DYNC2H1: variants seen among roughly 807,000 people sequenced by gnomAD.
The protein encoded by DYNC2H1 is dynein cytoplasmic 2 heavy chain 1.
A neutral mutation model predicts 570.0 loss-of-function variants in DYNC2H1; 410 were observed. The observed-to-expected ratio is 0.72, with a 90% CI of 0.66 to 0.78. The LOEUF is 0.78. DYNC2H1 is among the 30% of genes least tolerant of loss of function. DYNC2H1 has a pLI of 0.00. For missense variants in DYNC2H1, 4,865 were observed against 5,046.4 expected (o/e 0.96, Z 1.09); for synonymous variants, 1,688 against 1,677.6 (o/e 1.01, Z -0.15).
At chr11:103,285,415 T>C (rs1234348326) in intron 73 of DYNC2H1, among the ~76,000 whole-genome samples, 1 of 52,066 alleles carries the variant, frequency 1.9e-5, no homozygotes, top group Non-Finnish European at 3.9e-5. Flanking sequence ...ATTTTTCTTT[T>C]TTTCTTTTCT....
intron 82 of DYNC2H1, among the ~76,000 whole-genome samples, chr11:103,339,853 T>A (rs1290619253): frequency 6.6e-6 from 1 of 152,222 alleles, no homozygotes; most frequent in Non-Finnish European, 1.5e-5. Flanking sequence ...TGGCGATGGA[T>A]GCTTTCCCTC....
intron 81 of DYNC2H1, among the ~76,000 whole-genome samples, chr11:103,322,169 T>C (rs997600785): frequency 2.0e-5 from 3 of 152,166 alleles, no homozygotes; most frequent in Non-Finnish European, 2.9e-5. Context: ...AGTGCTGTTC[T>C]AGGTATTGTG....
intron 12 of DYNC2H1, among the ~76,000 whole-genome samples, chr11:103,126,688 G>A (rs1859020316): frequency 6.7e-6 from 1 of 148,222 alleles, no homozygotes; most frequent in Non-Finnish European, 1.5e-5. Flanking sequence ...CCAGGCTGGA[G>A]TGCAGTGGTG....
intron 83 of DYNC2H1, among the ~76,000 whole-genome samples, chr11:103,389,652 C>G (rs577765210): frequency 1.0e-3 from 159 of 151,902 alleles, no homozygotes; most frequent in Admixed American, 1.8e-3. Context: ...AAATTTCCCT[C>G]TACACACTGC....
chr11:103,138,462 TGAGATA>T (rs1164929813), intron 17 of DYNC2H1, among the ~76,000 whole-genome samples: 1 of 152,232 alleles, frequency 6.6e-6, no homozygotes, highest in African/African-American at 2.4e-5. Flanking sequence ...CTGTATCTAT[TGAGATA>T]ATCATGTGGT....
chr11:103,288,892 AAAAAG>A (rs1565466380), intron 75 of DYNC2H1, among the ~76,000 whole-genome samples: 1 of 150,284 alleles, frequency 6.7e-6, no homozygotes, highest in African/African-American at 2.4e-5. Flanking sequence ...AAAAAAAAAA[AAAAAG>A]AAAGAAAATT....
rs1176429178 is a variant in DYNC2H1, at chr11:103,468,657, TCC to T, written c.12719_12720del (p.Pro4240GlnfsTer25). On this transcript the variant is annotated frameshift_variant, in exon 88 of 89. Transcript: ENST00000375735. LOFTEE classifies it high-confidence loss of function. ...AACTTTCTGAAAATCAGCTTGATTC[TCC>T]CAGCGTGTCATCAGTGCTCCCTTGT... is the stretch of plus-strand genomic sequence containing the variant. ...NQLSENQLDS[P>X]SVSSVLPCFM... 1 of 1,613,674 alleles carries T rather than the reference TCC, an allele frequency of 6.2e-7. No homozygotes were observed. Among genetic ancestry groups the T allele is most frequent in the South Asian group, 1.1e-5 (1 of 91,048 alleles).
intron 75 of DYNC2H1, among the ~76,000 whole-genome samples, chr11:103,288,684 T>TAAAAAAAAAAAAAAGAA (rs1866450594): frequency 3.6e-5 from 1 of 27,904 alleles, no homozygotes; most frequent in Non-Finnish European, 6.0e-5. Context: ...CCGTCTCTAC[T>TAAAAAAAAAAAAAAGAA]AAAAAAAAAA....
At position 103,311,932 on chromosome 11, in the gene DYNC2H1, G is replaced by C; in HGVS notation, c.11548G>C (p.Glu3850Gln). The stretch of plus-strand genomic sequence containing the variant: ...GCGTACTTATGAGTCTTGGACTCCT[G>C]AGCAAATTAGCAAAAAAGATAATAC... ...LMRTYESWTP[E>Q]QISKKDNTHR... Residue 3850 changes from glutamate (E) to glutamine (Q), a missense_variant, in exon 79 of 89, where the codon GAG becomes CAG. By Grantham distance (29) the Glu-to-Gln change is conservative. Coordinates refer to ENST00000375735, the MANE Select transcript of DYNC2H1 (RefSeq NM_001377.3). 1 of 1,613,536 alleles carries C rather than the reference G, an allele frequency of 6.2e-7. No homozygotes were observed.
At chr11:103,174,934 G>T (rs1041973337) in intron 36 of DYNC2H1, among the ~76,000 whole-genome samples, 9 of 135,664 alleles carry the variant, frequency 6.6e-5, no homozygotes, top group Non-Finnish European at 1.1e-4. Context: ...TGCGGGGTTT[G>T]GGGGGGTGGG....
At position 103,203,939 on chromosome 11, in the gene DYNC2H1, A is replaced by G. The variant is rs1278846668; in HGVS notation, c.8311+163A>G. 6.6e-6 allele frequency among the ~76,000 whole-genome samples: 1 copy of G among 152,158 alleles called. No homozygotes were observed. ...CTAGTGGATAGGCTAACCTATAATA[A>G]AAACACCTGTATTAGTCTGTTTTTC... On this transcript the variant is annotated intron_variant, in intron 51 of 88. Coordinates refer to ENST00000375735, the MANE Select transcript of DYNC2H1 (RefSeq NM_001377.3). The surrounding 1 kb of genome is among the most constrained non-coding windows in gnomAD (Gnocchi z 4.7).
At position 103,223,998 on chromosome 11, in the gene DYNC2H1, C is replaced by T. The variant is rs561441751; in HGVS notation, c.9353+912C>T. Among the ~76,000 whole-genome samples the T allele has an allele frequency of 4.0e-4, 60 of 150,994 alleles. 1 individual carries two copies. Among genetic ancestry groups the T allele is most frequent in the Non-Finnish European group, 6.8e-4 (46 of 67,676 alleles). ...CCTGACCTAGTGATCCGCCCACCTC[C>T]GCCTCCCAAAGTGCTGGGATTACAG... is the stretch of plus-strand genomic sequence containing the variant. On this transcript the variant is annotated intron_variant, in intron 59 of 88. Coordinates refer to ENST00000375735, the MANE Select transcript of DYNC2H1 (RefSeq NM_001377.3).
chr11:103,468,053 C>T (rs904768976), intron 87 of DYNC2H1, among the ~76,000 whole-genome samples: 5 of 151,522 alleles, frequency 3.3e-5, no homozygotes, highest in East Asian at 2.0e-4. Flanking sequence ...CCAAAAGAAC[C>T]GTGTTTTCAT....
chr11:103,221,726 C>T (rs972125522), intron 57 of DYNC2H1, among the ~76,000 whole-genome samples: 5 of 152,026 alleles, frequency 3.3e-5, no homozygotes, highest in African/African-American at 7.2e-5. Flanking sequence ...TGTAGTGGCA[C>T]GCACCTGTGG....
intron 17 of DYNC2H1, among the ~76,000 whole-genome samples, chr11:103,139,362 T>C (rs1223152318): frequency 1.3e-5 from 2 of 151,956 alleles, no homozygotes; most frequent in African/African-American, 2.4e-5. Flanking sequence ...GTGCTATAAA[T>C]TTCCCTGTAC....
At chr11:103,467,765 C>T (rs1455048535) in intron 87 of DYNC2H1, among the ~76,000 whole-genome samples, 3 of 152,070 alleles carry the variant, frequency 2.0e-5, no homozygotes, top group African/African-American at 7.2e-5. Context: ...TCTCCATCTC[C>T]TGACCTTGTG....
chr11:103,214,155 C>T (rs1863273406), intron 54 of DYNC2H1, among the ~76,000 whole-genome samples: 2 of 151,996 alleles, frequency 1.3e-5, no homozygotes, highest in Admixed American at 1.3e-4. Flanking sequence ...TTTCTGGGTT[C>T]TTTATTCTGT....
At chr11:103,437,644 GAAGGAAGA>G (rs1944111332) in intron 85 of DYNC2H1, among the ~76,000 whole-genome samples, 1 of 152,136 alleles carries the variant, frequency 6.6e-6, no homozygotes, top group Non-Finnish European at 1.5e-5. Context: ...CTAAATGCTG[GAAGGAAGA>G]AAGGGAGAAA....
At chr11:103,353,907 G>A (rs530541731) in intron 82 of DYNC2H1, among the ~76,000 whole-genome samples, 1 of 151,892 alleles carries the variant, frequency 6.6e-6, no homozygotes, top group Admixed American at 6.6e-5. Context: ...GGCCGGGTGC[G>A]GTGGCTCACA....
Sources: allele counts gnomAD v4.1 joint callset (sites outside exome capture counted in the v4.1 genomes callset), GRCh38; gene constraint gnomAD v4.1.1; non-coding constraint Gnocchi (gnomAD v3.1); transcripts MANE v1.5; gene names NCBI Gene and HGNC (gene_info 2026-07-23, HGNC 2026-07-21).